EPAS1: variants seen among roughly 807,000 people sequenced by gnomAD.
The protein encoded by EPAS1 is endothelial PAS domain protein 1.
EPAS1 carries 23 observed loss-of-function variants against 87.9 expected under a neutral mutation model. That is an observed-to-expected ratio of 0.26 (90% CI 0.19 to 0.37). EPAS1 has a LOEUF of 0.37. EPAS1 is among the 10% of genes least tolerant of loss of function. The pLI is 1.00. For synonymous variants in EPAS1, 508 were observed against 444.3 expected, an observed-to-expected ratio of 1.14 and a Z score of -1.80; for missense variants, 1,138 against 1,120.7, an observed-to-expected ratio of 1.02 and a Z score of -0.22.
At position 46,356,140 on chromosome 2, in the gene EPAS1, C is replaced by G. The variant is rs75591953; in HGVS notation, c.218-11C>G. 2,869 of 1,362,986 alleles carry G rather than the reference C, an allele frequency of 2.1e-3. 8 individuals carry two copies. Among genetic ancestry groups the G allele is most frequent in the Non-Finnish European group, 2.6e-3 (2,537 of 959,648 alleles). The allele number at this position is 1,362,986 out of a possible 1,614,324, so 84.4% of individuals were successfully genotyped here. A position where few individuals can be genotyped will look rare whatever the true frequency, so the allele number is the denominator to read the frequency against. The stretch of plus-strand genomic sequence containing the variant: ...ATTCATGCAAGCTGTCCCACCCCCC[C>G]CCCTTTCCAGTTTGCTCTGAAAACG... On this transcript the variant is annotated splice_polypyrimidine_tract_variant and intron_variant, in intron 2 of 15. Transcript: ENST00000263734.
intron 2 of EPAS1, among the ~76,000 whole-genome samples, chr2:46,349,554 C>A (rs1684105722): frequency 6.6e-6 from 1 of 152,258 alleles, no homozygotes; most frequent in Non-Finnish European, 1.5e-5. Context: ...CAGCTAGAGC[C>A]TTTAGCCTGT....
rs886056078 is a variant in EPAS1 at position 46,297,596 on chromosome 2, C to A, written c.-316C>A. Reference sequence around the variant, plus strand: ...TCTTTGAAAACTCAGAAAAGTGACTCCTTTTCCAGGGAAAAAGGAACTTGG... The same window carrying A: ...TCTTTGAAAACTCAGAAAAGTGACTACTTTTCCAGGGAAAAAGGAACTTGG... On this transcript the variant is annotated 5_prime_UTR_variant, in exon 1 of 16. Transcript: ENST00000263734. The A allele has an allele frequency of 1.1e-4, 46 of 405,776 alleles. No individual in the cohort carries two copies. The highest frequency in any genetic ancestry group is 1.9e-4 in the Non-Finnish European group (41 of 220,296). The allele number at this position is 405,776 out of a possible 1,614,324, so 25.1% of individuals were successfully genotyped here. A position where few individuals can be genotyped will look rare whatever the true frequency, so the allele number is the denominator to read the frequency against.
chr2:46,356,128 G>GGGGGGGGC, intron 2 of EPAS1, 23 bp from the exon 3 acceptor site: 1 of 1,432,146 alleles, frequency 7.0e-7, no homozygotes, highest in Non-Finnish European at 9.5e-7. Flanking sequence ...CATGCAAGCT[G>GGGGGGGGC]TCCCACCCCC....
intron 3 of EPAS1, among the ~76,000 whole-genome samples, 165 bp downstream of exon 3, chr2:46,356,467 A>C (rs1369712201): frequency 6.6e-6 from 1 of 152,092 alleles, no homozygotes; most frequent in Non-Finnish European, 1.5e-5. Context: ...CCCACCCCCA[A>C]GCATTGGGTT....
chr2:46,302,158 G>T (rs937274128), intron 1 of EPAS1, among the ~76,000 whole-genome samples: 1 of 137,106 alleles, frequency 7.3e-6, no homozygotes, highest in African/African-American at 3.0e-5. Flanking sequence ...GTGCCCGTGC[G>T]TCGGGGGGGG....
At chr2:46,369,156 C>G (rs949556196) in intron 6 of EPAS1, among the ~76,000 whole-genome samples, 15 of 152,136 alleles carry the variant, frequency 9.9e-5, no homozygotes, top group African/African-American at 3.4e-4. Context: ...CTCTCAGCAC[C>G]TCCTTGCCTC....
In EPAS1 at chr2:46,380,608, C is replaced by T; in HGVS notation, c.1936C>T (p.His646Tyr). The T allele has an allele frequency of 6.2e-7, 1 of 1,614,120 alleles. No homozygotes were observed. Among genetic ancestry groups the T allele is most frequent in the Non-Finnish European group, 8.5e-7 (1 of 1,180,008 alleles). The stretch of plus-strand genomic sequence containing the variant: ...CCAGTGGCCCCCAGATCCACCATTA[C>T]ATTTTGGGCCCACAAAGTGGGCCGT... ...NTQWPPDPPL[H>Y]FGPTKWAVGD... The change falls in exon 12 of 16, where the codon CAT becomes TAT. Residue 646 changes from histidine to tyrosine, a missense_variant. Physicochemically the swap from His to Tyr is moderately conservative, Grantham distance 83 (BLOSUM62 2). Around this residue, in one of 4 missense-constraint regions of EPAS1, gnomAD observed 502 missense variants for 427.1 expected, o/e 1.18. Coordinates refer to ENST00000263734, the MANE Select transcript of EPAS1 (RefSeq NM_001430.5). The surrounding 1 kb of genome is among the most constrained non-coding windows in gnomAD (Gnocchi z 4.4).
chr2:46,346,745 G>A lies in EPAS1; in HGVS notation c.27-128G>A, dbSNP rs1684035274. Reference sequence around the variant, plus strand: ...GTTGTGTGTGGCTCAGACAACTGGTGTGAGCCCAGATCAGTCTAGTAAGGG... The same window carrying A: ...GTTGTGTGTGGCTCAGACAACTGGTATGAGCCCAGATCAGTCTAGTAAGGG... On this transcript the variant is annotated intron_variant, in intron 1 of 15. Transcript: ENST00000263734. The surrounding 1 kb of genome is among the most constrained non-coding windows in gnomAD (Gnocchi z 4.0). 2 of 945,814 alleles carry A rather than the reference G, an allele frequency of 2.1e-6. No individual in the cohort carries two copies. Among genetic ancestry groups the A allele is most frequent in the East Asian group, 2.6e-5 (1 of 37,808 alleles). The allele number at this position is 945,814 out of a possible 1,614,324, so 58.6% of individuals were successfully genotyped here.
At chr2:46,315,945 A>G (rs992242007) in intron 1 of EPAS1, among the ~76,000 whole-genome samples, 1 of 152,260 alleles carries the variant, frequency 6.6e-6, no homozygotes, top group South Asian at 2.1e-4. Context: ...CTGATTATAA[A>G]AAATATACAT....
intron 1 of EPAS1, among the ~76,000 whole-genome samples, chr2:46,326,354 T>C (rs924235247): frequency 6.6e-6 from 1 of 152,140 alleles, no homozygotes; most frequent in African/African-American, 2.4e-5. Flanking sequence ...TGCAGTCTTC[T>C]GTACACAGTG....
Position 46,360,647 on chromosome 2 carries a change from T to C in EPAS1, c.464T>C (p.Phe155Ser), listed in dbSNP as rs1684366237. 6.2e-7 allele frequency: 1 copy of C among 1,613,882 alleles called. No homozygotes were observed. The highest frequency in any genetic ancestry group is 1.3e-5 in the African/African-American group (1 of 75,014). The change falls in exon 5 of 16, where the codon TTT (phenylalanine) becomes TCT (serine). Residue 155 changes from phenylalanine to serine, a missense_variant. By Grantham distance (155) the Phe-to-Ser change is radical (BLOSUM62 -2). Around this residue, in one of 4 missense-constraint regions of EPAS1, gnomAD observed 351 missense variants for 417.1 expected, o/e 0.84. Coordinates refer to ENST00000263734, the MANE Select transcript of EPAS1 (RefSeq NM_001430.5). This position sits in a 1 kb window ranked among gnomAD's most constrained non-coding sequence, Gnocchi z 4.5. ...ENLSLKNGSGFGKKSKDMSTE... is the reference protein window; with the variant it reads ...ENLSLKNGSGSGKKSKDMSTE... Reference sequence around the variant, plus strand: ...ATCCTTCCACATCCAGGCTCTGGTTTTGGGAAAAAAAGCAAAGACATGTCC... The same window carrying C: ...ATCCTTCCACATCCAGGCTCTGGTTCTGGGAAAAAAAGCAAAGACATGTCC...
chr2:46,372,575 C>CA (rs2103657021), intron 7 of EPAS1, among the ~76,000 whole-genome samples: 1 of 152,332 alleles, frequency 6.6e-6, no homozygotes, highest in East Asian at 1.9e-4. Context: ...GGTTAGGGGT[C>CA]AGTCTCCCTT....
At position 46,304,972 on chromosome 2, in the gene EPAS1, T is replaced by G. The variant is rs1192531592; in HGVS notation, c.26+7035T>G. The stretch of plus-strand genomic sequence containing the variant: ...TAACAGCCATCACACTGTTGGCCCC[T>G]GCACTGTGAACCTAGAGGGTACCTT... On this transcript the variant is annotated intron_variant, in intron 1 of 15. Transcript: ENST00000263734. 3.3e-5 allele frequency among the ~76,000 whole-genome samples: 5 copies of G among 152,366 alleles called. No homozygotes were observed. In the South Asian group the frequency reaches 6.2e-4, roughly 19 times the overall value.
intron 6 of EPAS1, among the ~76,000 whole-genome samples, chr2:46,361,654 G>A (rs1237525827): frequency 1.3e-5 from 2 of 152,234 alleles, no homozygotes; most frequent in African/African-American, 2.4e-5. Context: ...AGGAGACACA[G>A]TAGTGATTAA....
chr2:46,379,817 A>G (rs115277722), intron 11 of EPAS1: 5 of 272,132 alleles, frequency 1.8e-5, no homozygotes, highest in African/African-American at 1.1e-4. Context: ...AGGAGGGAGA[A>G]GAGGACAAAA....
rs4953361 is a variant in EPAS1 at position 46,371,429 on chromosome 2, A to G, written c.886+1496A>G. 0.11 allele frequency among the ~76,000 whole-genome samples: 16,795 copies of G among 152,044 alleles called. 1,895 individuals carry two copies. The highest frequency in any genetic ancestry group is 0.49 in the East Asian group (2,509 of 5,150). ...ACAGTACAACAGGGCCCATTATGAT[A>G]TCTCAGAGAAGTTTCTCACTGTGCT... On this transcript the variant is annotated intron_variant, in intron 7 of 15. Coordinates refer to ENST00000263734, the MANE Select transcript of EPAS1 (RefSeq NM_001430.5). The surrounding 1 kb of genome is among the most constrained non-coding windows in gnomAD (Gnocchi z 4.3).
intron 7 of EPAS1, among the ~76,000 whole-genome samples, chr2:46,373,526 G>A (rs1684671605): frequency 6.6e-6 from 1 of 152,142 alleles, no homozygotes; most frequent in African/African-American, 2.4e-5. Flanking sequence ...CCAGACACAA[G>A]AGTAGATACT....
chr2:46,311,099 C>T (rs1349700937), intron 1 of EPAS1, among the ~76,000 whole-genome samples: 1 of 152,264 alleles, frequency 6.6e-6, no homozygotes, highest in Non-Finnish European at 1.5e-5. Flanking sequence ...AGGATGGTCT[C>T]GATCTCCTGA....
At position 46,346,682 on chromosome 2, in the gene EPAS1, C is replaced by G. The variant is rs928950877; in HGVS notation, c.27-191C>G. Among the ~76,000 whole-genome samples the G allele has an allele frequency of 6.6e-6, 1 of 152,198 alleles. No individual in the cohort carries two copies. The highest frequency in any genetic ancestry group is 2.4e-5 in the African/African-American group (1 of 41,446). On this transcript the variant is annotated intron_variant, in intron 1 of 15. Coordinates refer to ENST00000263734, the MANE Select transcript of EPAS1 (RefSeq NM_001430.5). This position sits in a 1 kb window ranked among gnomAD's most constrained non-coding sequence, Gnocchi z 4.0. ...GAGGAGGACTTTGGTTGTGAAGACA[C>G]CAACACACACAAAAGCAGAGCTAAC...
Sources: gnomAD v4.1 joint callset for allele counts (sites outside exome capture counted in the v4.1 genomes callset) on GRCh38, gnomAD v4.1.1 for gene constraint, gnomAD v4.1.1 regional missense constraint, Gnocchi (gnomAD v3.1) non-coding constraint, MANE v1.5 for transcripts, NCBI Gene and HGNC (gene_info 2026-07-23, HGNC 2026-07-21) for gene names.